The following PBLD variants were observed in gnomAD, a reference collection of about 807,000 sequenced individuals.
PBLD encodes the protein phenazine biosynthesis-like domain-containing protein.
A neutral mutation model predicts 31.3 loss-of-function variants in PBLD; 26 were observed. That is an observed-to-expected ratio of 0.83 (90% confidence interval 0.61 to 1.15). The LOEUF is 1.15. Among genes scored for constraint, PBLD ranks in the 50% most tolerant of loss-of-function variants. PBLD has a pLI of 0.00. For missense variants in PBLD, 307 were observed against 351.7 expected (o/e 0.87, Z 1.02); for synonymous variants, 114 against 129.0 (o/e 0.88, Z 0.79).
chr10:68,296,082 C>T, intron 4 of PBLD, 184 bp downstream of exon 4: 1 of 450,826 alleles, frequency 2.2e-6, no homozygotes, highest in Non-Finnish European at 4.0e-6. Context: ...TGGGCACATA[C>T]TCAGAAAGGC....
At chr10:68,315,980 C>T (rs1467749269) in intron 1 of PBLD, among the ~76,000 whole-genome samples, 3 of 152,120 alleles carry the variant, frequency 2.0e-5, no homozygotes, top group Admixed American at 6.6e-5. Context: ...AACTAAAGAA[C>T]TCACAATAAC....
At position 68,306,826 on chromosome 10, in the gene PBLD, T is replaced by C. The variant is rs370131201; in HGVS notation, c.19A>G (p.Ile7Val). 1 of 1,609,788 alleles carries C rather than the reference T, an allele frequency of 6.2e-7. No individual in the cohort carries two copies. The highest frequency in any genetic ancestry group is 8.5e-7 in the Non-Finnish European group (1 of 1,176,824). The change falls in exon 2 of 10, where the codon ATA (isoleucine) becomes GTA (valine). Residue 7 changes from isoleucine to valine, a missense_variant. By Grantham distance (29) the Ile-to-Val change is conservative. Coordinates refer to ENST00000358769, the MANE Select transcript of PBLD (RefSeq NM_022129.4). MKLPIF[I>V]ADAFTARAFR... ...GCTCTTGCTGTGAATGCATCTGCTATGAAAATAGGAAGCTTCATTTTCCTT... is the reference window on the plus strand; with the variant it reads ...GCTCTTGCTGTGAATGCATCTGCTACGAAAATAGGAAGCTTCATTTTCCTT...
Position 68,288,620 on chromosome 10 carries a change from A to G in PBLD, c.554T>C (p.Leu185Pro), listed in dbSNP as rs775880675. 1.2e-6 allele frequency: 2 copies of G among 1,614,186 alleles called. No homozygotes were observed. The highest frequency in any genetic ancestry group is 3.3e-4 in the Middle Eastern group (2 of 6,062). The change falls in exon 8 of 10, where the codon CTG (leucine) becomes CCG (proline). Residue 185 changes from leucine to proline, a missense_variant. By Grantham distance (98) the Leu-to-Pro change is moderately conservative (BLOSUM62 -3). Transcript: ENST00000358769. ...CACCTTCCCTGTGTTTTCAACTTGC[A>G]GCAGATTCTCCGTGTTCACTTTCAG... ...ENLKVNTENLLQVENTGKVKG... is the reference protein window; with the variant it reads ...ENLKVNTENLPQVENTGKVKG...
intron 2 of PBLD, among the ~76,000 whole-genome samples, chr10:68,303,514 G>T (rs1457223309): frequency 6.6e-6 from 1 of 151,784 alleles, no homozygotes; most frequent in East Asian, 1.9e-4. Flanking sequence ...AAAAATGTCA[G>T]CCGGGCGTGG....
chr10:68,301,157 A>G (rs935326856), intron 2 of PBLD, among the ~76,000 whole-genome samples: 1 of 152,122 alleles, frequency 6.6e-6, no homozygotes, highest in Non-Finnish European at 1.5e-5. Flanking sequence ...CGGCCTCCCA[A>G]AGTGCTGAGA....
intron 4 of PBLD, among the ~76,000 whole-genome samples, chr10:68,295,473 AC>A (rs2044412024): frequency 6.7e-6 from 1 of 150,210 alleles, no homozygotes; most frequent in South Asian, 2.1e-4. Context: ...AGTCTGGTCA[AC>A]CGAGCCAGGC....
intron 2 of PBLD, among the ~76,000 whole-genome samples, chr10:68,300,072 G>C (rs771591853): frequency 6.6e-6 from 1 of 151,940 alleles, no homozygotes; most frequent in Non-Finnish European, 1.5e-5. Context: ...TTGTATTTTA[G>C]TAGAGATGGA....
intron 1 of PBLD, among the ~76,000 whole-genome samples, chr10:68,310,880 A>AG (rs2044658311): frequency 6.6e-6 from 1 of 152,090 alleles, no homozygotes; most frequent in Admixed American, 6.6e-5. Context: ...TAAGTTAAAA[A>AG]TATCATAAGC....
In PBLD at chr10:68,283,123, A is replaced by G. The variant is rs1158895229; in HGVS notation, c.*1054T>C. The G allele has an allele frequency of 6.6e-6, 1 of 151,570 alleles. No homozygotes were observed. Among genetic ancestry groups the G allele is most frequent in the Non-Finnish European group, 1.5e-5 (1 of 67,958 alleles). 9.4% of individuals were successfully genotyped at this position (151,570 alleles called of 1,614,324 possible). On this transcript the variant is annotated 3_prime_UTR_variant, in exon 10 of 10. Coordinates refer to ENST00000358769, the MANE Select transcript of PBLD (RefSeq NM_022129.4). Reference sequence around the variant, plus strand: ...GGTCTCGAACTCCTAGGTTCAAGTGATCCTCCTGCCTTGTCCTGCCAAAGT... The same window carrying G: ...GGTCTCGAACTCCTAGGTTCAAGTGGTCCTCCTGCCTTGTCCTGCCAAAGT...
At chr10:68,325,022 G>A (rs1194841455) in intron 1 of PBLD, among the ~76,000 whole-genome samples, 1 of 149,182 alleles carries the variant, frequency 6.7e-6, no homozygotes, top group African/African-American at 2.5e-5. Flanking sequence ...GAGACAGGCA[G>A]ATCACGAGGT....
At chr10:68,330,706 C>T (rs1050098777) in intron 1 of PBLD, among the ~76,000 whole-genome samples, 2 of 134,100 alleles carry the variant, frequency 1.5e-5, no homozygotes, top group African/African-American at 5.6e-5. Flanking sequence ...CCACCACGCC[C>T]GGCGTGTGTG....
At chr10:68,326,138 G>A (rs1014911842) in intron 1 of PBLD, among the ~76,000 whole-genome samples, 9 of 152,000 alleles carry the variant, frequency 5.9e-5, no homozygotes, top group East Asian at 1.9e-4. Flanking sequence ...GCGCAATTTC[G>A]GCTCATTGCA....
intron 2 of PBLD, among the ~76,000 whole-genome samples, chr10:68,299,312 T>C (rs1479881596): frequency 1.3e-5 from 2 of 152,046 alleles, no homozygotes; most frequent in Non-Finnish European, 2.9e-5. Flanking sequence ...GATTTTGAAT[T>C]TTAAAGAAAT....
At position 68,284,391 on chromosome 10, in the gene PBLD, G is replaced by A. The variant is rs766306956; in HGVS notation, c.755-102C>T. ...CAAATCTTAGAGTCCTCCCAGATCAGTTTCAAGAATAAATTCCTTCGTCTG... is the reference window on the plus strand; with the variant it reads ...CAAATCTTAGAGTCCTCCCAGATCAATTTCAAGAATAAATTCCTTCGTCTG... On this transcript the variant is annotated intron_variant, in intron 9 of 9. Transcript: ENST00000358769. 3.8e-4 allele frequency: 369 copies of A among 980,462 alleles called. 4 individuals are homozygous for A. Among genetic ancestry groups the A allele is most frequent in the Admixed American group, 1.8e-4 (8 of 44,080 alleles). 60.7% of individuals were successfully genotyped at this position (980,462 alleles called of 1,614,324 possible). A position where few individuals can be genotyped will look rare whatever the true frequency, so the allele number is the denominator to read the frequency against.
chr10:68,316,228 T>G (rs2044734815), intron 1 of PBLD, among the ~76,000 whole-genome samples: 1 of 152,060 alleles, frequency 6.6e-6, no homozygotes. Context: ...AAACCAAGTC[T>G]AAAAAACTAA....
At chr10:68,297,048 C>A in intron 2 of PBLD, 63 bp from the exon 3 acceptor site, 1 of 1,232,006 alleles carries the variant, frequency 8.1e-7, no homozygotes, top group Non-Finnish European at 1.2e-6. Flanking sequence ...CTTTGGACAA[C>A]AACTACCATT....
At chr10:68,285,304 C>T (rs776323867) in intron 9 of PBLD, 44 bp downstream of exon 9, 9 of 1,613,792 alleles carry the variant, frequency 5.6e-6, no homozygotes, top group African/African-American at 4.0e-5. Context: ...ACACTAGCTT[C>T]GAATTAGGCA....
chr10:68,331,367 G>C (rs368886005), intron 1 of PBLD: 1 of 152,418 alleles, frequency 6.6e-6, no homozygotes, highest in Admixed American at 6.5e-5. Flanking sequence ...GCGAAGGCCA[G>C]AGGAGAAAAA....
intron 1 of PBLD, among the ~76,000 whole-genome samples, chr10:68,310,781 C>T (rs1368899030): frequency 5.6e-5 from 8 of 143,122 alleles, no homozygotes; most frequent in Non-Finnish European, 3.0e-5. Flanking sequence ...GATGGGAATT[C>T]TTTCTTCTTT....
Sources: gnomAD v4.1 joint callset for allele counts (sites outside exome capture counted in the v4.1 genomes callset) on GRCh38, gnomAD v4.1.1 for gene constraint, MANE v1.5 for transcripts, NCBI Gene and HGNC (gene_info 2026-07-23, HGNC 2026-07-21) for gene names.